Variants in ZNF451 observed in about 807,000 individuals in gnomAD.
The protein encoded by ZNF451 is zinc finger protein 451, also known as E3 SUMO-protein ligase ZNF451.
Under a neutral mutation model 107.1 loss-of-function variants are expected in ZNF451, and 80 were observed. That is an observed-to-expected ratio of 0.75 (90% CI 0.62 to 0.90). ZNF451 has a LOEUF of 0.90. Among genes scored for constraint, ZNF451 ranks in the 40% least tolerant of loss-of-function variants. The pLI, the probability that ZNF451 is intolerant of heterozygous loss-of-function variation, is 0.00. For synonymous variants in ZNF451, 362 were observed against 406.5 expected, an observed-to-expected ratio of 0.89 and a Z score of 1.32; for missense variants, 1,107 against 1,236.2, an observed-to-expected ratio of 0.90 and a Z score of 1.57.
intron 3 of ZNF451, chr6:57,101,431 C>A: frequency 6.4e-7 from 1 of 1,550,756 alleles, no homozygotes; most frequent in Non-Finnish European, 8.7e-7. Flanking sequence ...CTCTCCTTTC[C>A]AACCAAACCC....
At chr6:57,131,567 A>C (rs943332505) in intron 5 of ZNF451, among the ~76,000 whole-genome samples, 2 of 152,194 alleles carry the variant, frequency 1.3e-5, no homozygotes, top group African/African-American at 4.8e-5. Context: ...CATGCTGTCC[A>C]TTATTTGTTG....
intron 9 of ZNF451, among the ~76,000 whole-genome samples, chr6:57,143,248 A>G (rs549743028): frequency 1.6e-4 from 24 of 152,198 alleles, no homozygotes; most frequent in African/African-American, 5.3e-4. Context: ...TTTTATGGTT[A>G]TGCTTTCTGT....
At chr6:57,099,647 G>T in intron 3 of ZNF451, 1 of 628,202 alleles carries the variant, frequency 1.6e-6, no homozygotes, top group South Asian at 1.9e-5. Context: ...CCACATATTT[G>T]GAGTTATTTA....
intron 13 of ZNF451, chr6:57,159,480 T>C (rs935393447): frequency 4.2e-6 from 3 of 719,878 alleles, no homozygotes; most frequent in Admixed American, 1.3e-4. Context: ...CAGCTTTGAA[T>C]GTAGCCCAAC....
At chr6:57,099,635 C>T in intron 3 of ZNF451, 2 of 644,042 alleles carry the variant, frequency 3.1e-6, no homozygotes, top group Non-Finnish European at 5.6e-6. Flanking sequence ...CTTGTCTGTG[C>T]CCCACATATT....
chr6:57,154,186 T>A, intron 13 of ZNF451, 139 bp downstream of exon 13: 2 of 789,288 alleles, frequency 2.5e-6, no homozygotes, highest in Admixed American at 2.8e-5. Context: ...ATCTTACTTA[T>A]CTTTTTTAAA....
chr6:57,102,210 G>C, intron 3 of ZNF451: 3 of 1,417,646 alleles, frequency 2.1e-6, no homozygotes, highest in Non-Finnish European at 2.7e-6. Context: ...CTGGATGCAT[G>C]TCTGGAATGA....
intron 2 of ZNF451, among the ~76,000 whole-genome samples, chr6:57,095,234 A>G (rs1593070950): frequency 1.3e-5 from 2 of 148,858 alleles, no homozygotes; most frequent in East Asian, 2.0e-4. Context: ...TTCTCATTCT[A>G]CTCTGTCACT....
Position 57,148,144 on chromosome 6 carries a change from G to A in ZNF451, c.2059G>A (p.Glu687Lys), listed in dbSNP as rs1478207346. 6.2e-7 allele frequency: 1 copy of A among 1,614,052 alleles called. No individual in the cohort carries two copies. The highest frequency in any genetic ancestry group is 8.5e-7 in the Non-Finnish European group (1 of 1,179,968). Residue 687 changes from glutamate (E) to lysine (K), a missense_variant, in exon 10 of 15, where the codon GAG (glutamate) becomes AAG (lysine). Glu to Lys is a moderately conservative substitution (Grantham distance 56). Around this residue, in one of 5 missense-constraint regions of ZNF451, gnomAD observed 608 missense variants for 649.2 expected, o/e 0.94. Transcript: ENST00000370706. ...GGAAGAAGCATTTCTGAGTCATTAT[G>A]AGGAGCACCACAGCATAGATTATGT... is the stretch of plus-strand genomic sequence containing the variant. ...NVEEAFLSHY[E>K]EHHSIDYVFV...
At chr6:57,152,070 G>A in intron 11 of ZNF451, 151 bp from the exon 12 acceptor site, 1 of 592,478 alleles carries the variant, frequency 1.7e-6, no homozygotes, top group Admixed American at 3.4e-5. Context: ...ACAAGATGTT[G>A]ATGCTTATGC....
At chr6:57,107,599 G>C in intron 3 of ZNF451, 1 of 985,170 alleles carries the variant, frequency 1.0e-6, no homozygotes, top group Non-Finnish European at 1.2e-6. Flanking sequence ...TTATAATACA[G>C]CTCTGATATA....
rs577009669 is a variant in ZNF451, at chr6:57,138,147, T to G, written c.703-3155T>G. Among the ~76,000 whole-genome samples, 3 of 152,348 alleles carry G rather than the reference T, an allele frequency of 2.0e-5. No individual in the cohort carries two copies. The East Asian group carries it at 5.8e-4, about 29-fold the overall frequency. On this transcript the variant is annotated intron_variant, in intron 7 of 14. Coordinates refer to ENST00000370706, the MANE Select transcript of ZNF451 (RefSeq NM_001031623.3). ...GTCATATGGTACCTTTTTAATTTTT[T>G]TGAAGAAGTGCCAAACTGCTGTCTA... is the stretch of plus-strand genomic sequence containing the variant.
rs1764068302 is a variant in ZNF451, at chr6:57,170,130, T to G, written c.*1661T>G. On this transcript the variant is annotated 3_prime_UTR_variant, in exon 15 of 15. Coordinates refer to ENST00000370706, the MANE Select transcript of ZNF451 (RefSeq NM_001031623.3). ...GTTAAGAAAAGGTAACTGGGTTGTT[T>G]AATGTTTTAATTGATAATTGTCACT... 6.6e-6 allele frequency: 1 copy of G among 152,240 alleles called. No individual in the cohort carries two copies. Among genetic ancestry groups the G allele is most frequent in the Admixed American group, 6.5e-5 (1 of 15,292 alleles). The allele number at this position is 152,240 out of a possible 1,614,324, so 9.4% of individuals were successfully genotyped here. A position where few individuals can be genotyped will look rare whatever the true frequency, so the allele number is the denominator to read the frequency against.
intron 3 of ZNF451, chr6:57,109,021 T>C: frequency 1.0e-6 from 1 of 985,416 alleles, no homozygotes; most frequent in Non-Finnish European, 1.2e-6. Context: ...CATACACAAA[T>C]CTTTTCATTT....
intron 2 of ZNF451, among the ~76,000 whole-genome samples, chr6:57,097,023 GCCTC>G (rs1384017955): frequency 2.0e-5 from 3 of 151,876 alleles, no homozygotes; most frequent in African/African-American, 7.3e-5. Context: ...ACCCACCTCT[GCCTC>G]CCAAGGTGCT....
At chr6:57,107,172 T>C in intron 3 of ZNF451, 1 of 985,402 alleles carries the variant, frequency 1.0e-6, no homozygotes, top group Non-Finnish European at 1.2e-6. Flanking sequence ...CCTTTTGATG[T>C]TGTTAGCATA....
At chr6:57,112,052 A>G (rs1179001510) in intron 3 of ZNF451, among the ~76,000 whole-genome samples, 1 of 152,242 alleles carries the variant, frequency 6.6e-6, no homozygotes, top group South Asian at 2.1e-4. Flanking sequence ...TAAATATTGT[A>G]CTGTTATGCT....
At chr6:57,132,953 T>C (rs1226431719) in intron 5 of ZNF451, 89 bp from the exon 6 acceptor site, 2 of 1,363,058 alleles carry the variant, frequency 1.5e-6, no homozygotes, top group East Asian at 2.3e-5. Flanking sequence ...TATGTCATAA[T>C]TTTCATTGTT....
chr6:57,101,553 C>A (rs747692369), intron 3 of ZNF451: 5 of 1,550,858 alleles, frequency 3.2e-6, no homozygotes, highest in African/African-American at 1.4e-5. Flanking sequence ...GTAGGTTTTA[C>A]CACGCTGCCT....
Sources: gnomAD v4.1 joint callset for allele counts (sites outside exome capture counted in the v4.1 genomes callset) on GRCh38, gnomAD v4.1.1 for gene constraint, gnomAD v4.1.1 regional missense constraint, MANE v1.5 for transcripts, NCBI Gene and HGNC (gene_info 2026-07-23, HGNC 2026-07-21) for gene names.